Variants in CSRNP3 observed in about 807,000 individuals in gnomAD.
CSRNP3 encodes the protein cysteine/serine-rich nuclear protein 3.
In CSRNP3, 12 loss-of-function variants were observed where a neutral mutation model predicts 48.0. The observed-to-expected ratio is 0.25, with a 90% CI of 0.16 to 0.41. CSRNP3 has a LOEUF of 0.41. CSRNP3 is among the 10% of genes least tolerant of loss of function. The probability of loss-of-function intolerance (pLI) is 1.00; values close to 1 mark genes in which losing one functional copy is unlikely to be tolerated. For synonymous variants in CSRNP3, 263 were observed against 269.7 expected, an observed-to-expected ratio of 0.98 and a Z score of 0.24; for missense variants, 580 against 724.4, an observed-to-expected ratio of 0.80 and a Z score of 2.29.
chr2:165,568,016 T>C (rs1379219502), intron 3 of CSRNP3, among the ~76,000 whole-genome samples: 1 of 152,134 alleles, frequency 6.6e-6, no homozygotes, highest in African/African-American at 2.4e-5. Flanking sequence ...GCTTAATGAT[T>C]GAACCATTGA....
At chr2:165,519,172 ATT>A (rs1684618566) in intron 3 of CSRNP3, among the ~76,000 whole-genome samples, 1 of 148,726 alleles carries the variant, frequency 6.7e-6, no homozygotes, top group African/African-American at 2.4e-5. Context: ...GAAATATGAG[ATT>A]CTAGGAATGA....
intron 1 of CSRNP3, among the ~76,000 whole-genome samples, chr2:165,472,243 A>AT (rs1683904960): frequency 6.6e-6 from 1 of 152,040 alleles, no homozygotes; most frequent in Non-Finnish European, 1.5e-5. Flanking sequence ...TAGAATAAGA[A>AT]TTTTTTAAAC....
intron 3 of CSRNP3, among the ~76,000 whole-genome samples, chr2:165,537,020 A>G (rs1216123392): frequency 2.6e-5 from 4 of 151,760 alleles, no homozygotes. Flanking sequence ...CAAACACTCA[A>G]ACAGGAAACT....
intron 1 of CSRNP3, among the ~76,000 whole-genome samples, chr2:165,470,539 CAG>C (rs1434578794): frequency 2.0e-5 from 3 of 151,984 alleles, no homozygotes; most frequent in African/African-American, 7.2e-5. Context: ...AGAATTCCAT[CAG>C]AGCATTTATA....
chr2:165,551,535 C>T (rs1685095682), intron 3 of CSRNP3, among the ~76,000 whole-genome samples: 1 of 152,152 alleles, frequency 6.6e-6, no homozygotes, highest in South Asian at 2.1e-4. Flanking sequence ...CCAGTAACAG[C>T]AGCAGTCAGT....
At chr2:165,566,765 C>T (rs1357193700) in intron 3 of CSRNP3, 1 of 151,758 alleles carries the variant, frequency 6.6e-6, no homozygotes, top group Non-Finnish European at 1.5e-5. Context: ...TTATATCTAT[C>T]CCTGCCTCTA....
chr2:165,548,786 G>A (rs1467927116), intron 3 of CSRNP3, among the ~76,000 whole-genome samples: 3 of 152,006 alleles, frequency 2.0e-5, no homozygotes, highest in Admixed American at 1.3e-4. Context: ...GTATCTCACT[G>A]TTTCTATGAT....
At chr2:165,535,226 T>A (rs1254931401) in intron 3 of CSRNP3, among the ~76,000 whole-genome samples, 1 of 151,766 alleles carries the variant, frequency 6.6e-6, no homozygotes, top group Non-Finnish European at 1.5e-5. Flanking sequence ...TAGATACATA[T>A]TTTTTGTAAA....
chr2:165,589,626 C>G (rs1179884910), intron 3 of CSRNP3, among the ~76,000 whole-genome samples: 1 of 152,136 alleles, frequency 6.6e-6, no homozygotes. Flanking sequence ...TTTTAAAGAC[C>G]TAGACAGAAC....
intron 4 of CSRNP3, among the ~76,000 whole-genome samples, chr2:165,642,648 C>T (rs900400937): frequency 3.3e-5 from 5 of 151,788 alleles, no homozygotes; most frequent in Admixed American, 6.6e-5. Context: ...CTGCGACCTC[C>T]GCCTCCCAGG....
chr2:165,478,642 C>A (rs1020302201), intron 1 of CSRNP3, among the ~76,000 whole-genome samples: 4 of 152,178 alleles, frequency 2.6e-5, no homozygotes, highest in Admixed American at 1.3e-4. Flanking sequence ...AGATCCCATT[C>A]TTCAGTTGCT....
intron 4 of CSRNP3, among the ~76,000 whole-genome samples, chr2:165,617,273 T>C (rs764425859): frequency 6.6e-6 from 1 of 150,886 alleles, no homozygotes; most frequent in Non-Finnish European, 1.5e-5. Flanking sequence ...TCTGGCATAA[T>C]AATTGCTTCT....
chr2:165,528,388 T>C (rs1358083335), intron 3 of CSRNP3, among the ~76,000 whole-genome samples: 1 of 152,222 alleles, frequency 6.6e-6, no homozygotes, highest in Non-Finnish European at 1.5e-5. Context: ...TCCAAAAAAA[T>C]AATTGCCCAG....
intron 3 of CSRNP3, among the ~76,000 whole-genome samples, chr2:165,586,961 T>C (rs919919689): frequency 4.6e-5 from 7 of 152,224 alleles, no homozygotes; most frequent in Non-Finnish European, 1.5e-5. Context: ...GAACTCACCA[T>C]TAACTTTGCC....
intron 3 of CSRNP3, among the ~76,000 whole-genome samples, chr2:165,570,935 A>G (rs1479420815): frequency 2.0e-5 from 3 of 151,996 alleles, no homozygotes; most frequent in Admixed American, 2.0e-4. Context: ...AACCCTACAA[A>G]TAATATCATA....
intron 3 of CSRNP3, among the ~76,000 whole-genome samples, chr2:165,562,825 A>T (rs1685251507): frequency 6.6e-6 from 1 of 152,212 alleles, no homozygotes; most frequent in African/African-American, 2.4e-5. Flanking sequence ...ATAGTGTCAT[A>T]AAATTTATAG....
chr2:165,502,561 G>C (rs180875586), intron 2 of CSRNP3, among the ~76,000 whole-genome samples: 109 of 152,026 alleles, frequency 7.2e-4, no homozygotes, highest in African/African-American at 2.4e-3. Context: ...TAGTTAAAAG[G>C]GTATTGTTTT....
chr2:165,617,380 G>T (rs36003589), intron 4 of CSRNP3, among the ~76,000 whole-genome samples: 9,820 of 152,234 alleles, frequency 0.065, 365 homozygotes, highest in Middle Eastern at 0.092. Flanking sequence ...TTGGTTTTGG[G>T]TGGGCATTGT....
At chr2:165,669,418 C>T (rs1041318572) in intron 5 of CSRNP3, among the ~76,000 whole-genome samples, 3 of 152,034 alleles carry the variant, frequency 2.0e-5, no homozygotes, top group Non-Finnish European at 2.9e-5. Flanking sequence ...CCAAAAATTT[C>T]ATCTCATTAA....
Sources: allele counts gnomAD v4.1 joint callset (sites outside exome capture counted in the v4.1 genomes callset), GRCh38; gene constraint gnomAD v4.1.1; transcripts MANE v1.5; gene names NCBI Gene and HGNC (gene_info 2026-07-23, HGNC 2026-07-21).